DAPK3: variants seen among roughly 807,000 people sequenced by gnomAD.
DAPK3 encodes death-associated protein kinase 3.
DAPK3 carries 24 observed loss-of-function variants against 30.6 expected under a neutral mutation model. The ratio of observed to expected loss-of-function variants is 0.78; its 90% confidence interval spans 0.57 to 1.10. DAPK3 has a LOEUF of 1.10. DAPK3 is among the 50% of genes least tolerant of loss of function. DAPK3 has a pLI of 0.00. For synonymous variants in DAPK3, 341 were observed against 284.0 expected, an observed-to-expected ratio of 1.20 and a Z score of -2.02; for missense variants, 629 against 657.3, an observed-to-expected ratio of 0.96 and a Z score of 0.47.
rs1001427037 is a variant in DAPK3, at chr19:3,961,106, T to C, written c.685A>G (p.Ile229Val). 6.2e-7 allele frequency: 1 copy of C among 1,613,406 alleles called. No individual in the cohort carries two copies. ...TCGAAGTCGTAGTTCACGGCTGAGA[T>C]GTTGGTGAGCGTCTCCTGCTTGGTC... ...GETKQETLTN[I>V]SAVNYDFDEE... is the part of the protein sequence containing the mutation. The change falls in exon 7 of 9, where the codon ATC becomes GTC. Residue 229 changes from isoleucine (I) to valine (V), a missense_variant. Ile to Val is a conservative substitution (Grantham distance 29). Transcript: ENST00000545797.
chr19:3,964,570 C>A, intron 3 of DAPK3, 61 bp downstream of exon 3: 1 of 1,343,596 alleles, frequency 7.4e-7, no homozygotes. Context: ...CAGGCTCTTC[C>A]CCGCCCCATC....
intron 2 of DAPK3, among the ~76,000 whole-genome samples, chr19:3,968,772 TG>T (rs1433480553): frequency 6.6e-6 from 1 of 152,292 alleles, no homozygotes; most frequent in African/African-American, 2.4e-5. Flanking sequence ...CTCCCTAGCC[TG>T]ACACAGAGCT....
chr19:3,960,207 A>G (rs1168609926), intron 7 of DAPK3, 103 bp from the exon 8 acceptor site: 23 of 688,672 alleles, frequency 3.3e-5, no homozygotes, highest in Non-Finnish European at 5.6e-5. Context: ...GTCGCCCCCC[A>G]GCCTCTGCTC....
rs375825730 is a variant in DAPK3 at position 3,961,175 on chromosome 19, G to A, written c.630-14C>T. 2.1e-5 allele frequency: 33 copies of A among 1,606,988 alleles called. No homozygotes were observed. The highest frequency in any genetic ancestry group is 2.7e-5 in the African/African-American group (2 of 74,762). On this transcript the variant is annotated splice_polypyrimidine_tract_variant and intron_variant, in intron 6 of 8. Coordinates refer to ENST00000545797, the MANE Select transcript of DAPK3 (RefSeq NM_001348.3). ...GCACCGCTCAGGCTGCGAGACAGGC[G>A]TGGGGGCTCAGTGGGGTCCTGGGCT...
Position 3,964,808 on chromosome 19 carries a change from G to A in DAPK3, c.246C>T (p.Ile82=), listed in dbSNP as rs2039559254. The A allele has an allele frequency of 1.9e-6, 3 of 1,612,466 alleles. No individual in the cohort carries two copies. Among genetic ancestry groups the A allele is most frequent in the Non-Finnish European group, 2.5e-6 (3 of 1,178,676 alleles). Residue 82 remains isoleucine, a synonymous_variant, in exon 3 of 9, where the codon ATC becomes ATT. Transcript: ENST00000545797. Reference sequence around the variant, plus strand: ...GGACCACGTCCGTCTTGTTCTCGAAGATGTCGTGCAGGGTGATGATGTTGG... The same window carrying A: ...GGACCACGTCCGTCTTGTTCTCGAAAATGTCGTGCAGGGTGATGATGTTGG... ...RHPNIITLHD[I]FENKTDVVLI... is the part of the protein sequence containing the mutation.
chr19:3,964,539 C>T lies in DAPK3; in HGVS notation c.423+92G>A, dbSNP rs539973986. 131 of 1,439,840 alleles carry T rather than the reference C, an allele frequency of 9.1e-5. 2 individuals are homozygous for T. In the South Asian group the frequency reaches 1.6e-3, roughly 18 times the overall value. The allele number at this position is 1,439,840 out of a possible 1,614,324, so 89.2% of individuals were successfully genotyped here. ...CCCCCACGCTCCCCACACCTCACCC[C>T]CACGCGCAGGAGGTGCCTTCCAGGC... On this transcript the variant is annotated intron_variant, in intron 3 of 8. Transcript: ENST00000545797.
At chr19:3,964,075 G>C (rs904476414) in intron 4 of DAPK3, among the ~76,000 whole-genome samples, 156 bp from the exon 5 acceptor site, 1 of 152,202 alleles carries the variant, frequency 6.6e-6, no homozygotes, top group African/African-American at 2.4e-5. Context: ...GTAGGACAGC[G>C]GGGCTGCACC....
chr19:3,963,703 C>A (rs771751925), intron 5 of DAPK3, 34 bp from the exon 6 acceptor site: 3 of 1,513,978 alleles, frequency 2.0e-6, no homozygotes, highest in Non-Finnish European at 2.7e-6. Context: ...GTCAGCGCAG[C>A]GTGGGGCCGC....
At chr19:3,967,416 G>A (rs768129852) in intron 2 of DAPK3, among the ~76,000 whole-genome samples, 2 of 151,160 alleles carry the variant, frequency 1.3e-5, no homozygotes, top group Non-Finnish European at 2.9e-5. Context: ...TTGCGGCATT[G>A]CACTCCAGCC....
intron 2 of DAPK3, among the ~76,000 whole-genome samples, chr19:3,965,942 C>T (rs781358950): frequency 8.5e-5 from 13 of 152,048 alleles, no homozygotes; most frequent in Non-Finnish European, 1.9e-4. Context: ...GAACACACTA[C>T]CACACCTGAT....
At chr19:3,961,558 C>T (rs781475032) in intron 6 of DAPK3, 12 of 484,016 alleles carry the variant, frequency 2.5e-5, no homozygotes, top group Non-Finnish European at 4.7e-5. Context: ...CCAACAGCGT[C>T]TGCCTCCCAG....
At position 3,959,315 on chromosome 19, in the gene DAPK3, T is replaced by A. The variant is rs2039476555; in HGVS notation, c.1151A>T (p.Glu384Val). ...LGQDLRRLRQ[E>V]LLKTEALKRQ... ...CTTGAGCGCCTCGGTCTTGAGCAGC[T>A]CCTGCCGTAGCCTCCGCAGGTCCTG... Residue 384 changes from glutamate to valine, a missense_variant, in exon 9 of 9, where the codon GAG becomes GTG. This residue lies in a region of DAPK3 where 323 missense variants were observed against 278.8 expected (regional missense o/e 1.16). Transcript: ENST00000545797. The A allele has an allele frequency of 6.3e-7, 1 of 1,593,306 alleles. No homozygotes were observed. The highest frequency in any genetic ancestry group is 8.5e-7 in the Non-Finnish European group (1 of 1,177,028).
Position 3,970,399 on chromosome 19 carries a change from C to A in DAPK3, c.-95+522G>T, listed in dbSNP as rs140865056. Among the ~76,000 whole-genome samples the A allele has an allele frequency of 4.7e-3, 722 of 152,186 alleles. 6 individuals carry two copies. The highest frequency in any genetic ancestry group is 0.016 in the African/African-American group (679 of 41,496). On this transcript the variant is annotated intron_variant, in intron 1 of 8. Transcript: ENST00000545797. ...CCAGGCCTCCCAAAGTGCTGCCATT[C>A]CGATCAAAATTCCCAAGTTACTACC... is the stretch of plus-strand genomic sequence containing the variant.
intron 8 of DAPK3, 112 bp from the exon 9 acceptor site, chr19:3,959,749 G>A (rs2039483387): frequency 2.4e-6 from 3 of 1,235,572 alleles, no homozygotes; most frequent in Admixed American, 2.8e-5. Flanking sequence ...CAGAGTCAAC[G>A]CCTCGTGACG....
At chr19:3,963,740 G>C in intron 5 of DAPK3, 71 bp from the exon 6 acceptor site, 2 of 1,355,448 alleles carry the variant, frequency 1.5e-6, no homozygotes, top group Non-Finnish European at 2.0e-6. Flanking sequence ...GTGGCGTCCA[G>C]CGCCCCTGTT....
Position 3,958,939 on chromosome 19 carries a change from C to G in DAPK3, c.*162G>C, listed in dbSNP as rs142340400. The G allele has an allele frequency of 0.016, 9,627 of 587,946 alleles. 118 individuals carry two copies. The highest frequency in any genetic ancestry group is 0.023 in the Non-Finnish European group (7,615 of 334,730). The allele number at this position is 587,946 out of a possible 1,614,324, so 36.4% of individuals were successfully genotyped here. A position where few individuals can be genotyped will look rare whatever the true frequency, so the allele number is the denominator to read the frequency against. On this transcript the variant is annotated 3_prime_UTR_variant, in exon 9 of 9. Transcript: ENST00000545797. ...CCCGTCCCACACCCACCCCTGCCTGCGAACTTACGGGCCTGGCTCCAGCTC... is the reference window on the plus strand; with the variant it reads ...CCCGTCCCACACCCACCCCTGCCTGGGAACTTACGGGCCTGGCTCCAGCTC...
intron 6 of DAPK3, among the ~76,000 whole-genome samples, chr19:3,962,213 C>T (rs914956386): frequency 1.3e-5 from 2 of 152,180 alleles, no homozygotes; most frequent in African/African-American, 4.8e-5. Context: ...GTGTTCATAA[C>T]GTTCGTGTTC....
chr19:3,959,545 GATGGTGTACT>G lies in DAPK3; in HGVS notation c.911_920del (p.Glu304AlafsTer121). Reference sequence around the variant, plus strand: ...TGGGCGGCAAGCTGGAGTGCGACTTGATGGTGTACTCCTTCAGACGCGTGGTCTTCAGGCG... The same window carrying G: ...TGGGCGGCAAGCTGGAGTGCGACTTGCCTTCAGACGCGTGGTCTTCAGGCG... On this transcript the variant is annotated frameshift_variant, in exon 9 of 9. Coordinates refer to ENST00000545797, the MANE Select transcript of DAPK3 (RefSeq NM_001348.3). LOFTEE classifies it low-confidence loss of function (END_TRUNC). 1 of 1,579,708 alleles carries G rather than the reference GATGGTGTACT, an allele frequency of 6.3e-7. No individual in the cohort carries two copies. Among genetic ancestry groups the G allele is most frequent in the Non-Finnish European group, 8.5e-7 (1 of 1,171,556 alleles).
At chr19:3,970,069 T>C (rs987940614) in intron 1 of DAPK3, 5 of 347,270 alleles carry the variant, frequency 1.4e-5, no homozygotes, top group African/African-American at 1.1e-4. Context: ...CCCGCAAAAC[T>C]CTCTCCAGAC....
Sources: gnomAD v4.1 joint callset for allele counts (sites outside exome capture counted in the v4.1 genomes callset) on GRCh38, gnomAD v4.1.1 for gene constraint, gnomAD v4.1.1 regional missense constraint, MANE v1.5 for transcripts, NCBI Gene and HGNC (gene_info 2026-07-23, HGNC 2026-07-21) for gene names.